RSRC1: variants seen among roughly 807,000 people sequenced by gnomAD.
RSRC1 encodes the protein arginine and serine rich coiled-coil 1.
In RSRC1, 39 loss-of-function variants were observed where a neutral mutation model predicts 49.1. That is an observed-to-expected ratio of 0.79 (90% CI 0.61 to 1.04). RSRC1 has a LOEUF of 1.04. Among genes scored for constraint, RSRC1 ranks in the 50% least tolerant of loss-of-function variants. The pLI, the probability that RSRC1 is intolerant of heterozygous loss-of-function variation, is 0.00. For missense variants in RSRC1, 388 were observed against 402.4 expected, an observed-to-expected ratio of 0.96 and a Z score of 0.31; for synonymous variants, 143 against 130.8, an observed-to-expected ratio of 1.09 and a Z score of -0.63.
At position 158,539,513 on chromosome 3, in the gene RSRC1, C is replaced by T. The variant is rs1245582565; in HGVS notation, c.759+2315C>T. Among the ~76,000 whole-genome samples the T allele has an allele frequency of 6.6e-6, 1 of 151,808 alleles. No homozygotes were observed. Among genetic ancestry groups the T allele is most frequent in the African/African-American group, 2.4e-5 (1 of 41,330 alleles). On this transcript the variant is annotated intron_variant, in intron 8 of 9. Coordinates refer to ENST00000611884, the MANE Select transcript of RSRC1 (RefSeq NM_001271838.2). The surrounding 1 kb of genome is among the most constrained non-coding windows in gnomAD (Gnocchi z 4.1). Reference sequence around the variant, plus strand: ...TAATGTTGTTGTATCTGGCAGATACCCACCTGTGTTCAAAAGAAGGGTAAA... The same window carrying T: ...TAATGTTGTTGTATCTGGCAGATACTCACCTGTGTTCAAAAGAAGGGTAAA...
intron 1 of RSRC1, among the ~76,000 whole-genome samples, chr3:158,120,945 C>A (rs371968852): frequency 1.4e-4 from 21 of 151,320 alleles, no homozygotes; most frequent in African/African-American, 5.1e-4. Flanking sequence ...GACAACTAAG[C>A]TTCTTGTCAG....
chr3:158,154,022 G>A (rs1717703786), intron 3 of RSRC1, among the ~76,000 whole-genome samples: 1 of 152,098 alleles, frequency 6.6e-6, no homozygotes, highest in African/African-American at 2.4e-5. Flanking sequence ...ATCCTTGACT[G>A]GACAGCTATA....
intron 4 of RSRC1, among the ~76,000 whole-genome samples, chr3:158,204,321 A>G (rs1624094): frequency 0.57 from 86,892 of 151,910 alleles, 25,219 homozygotes; most frequent in East Asian, 0.73. Flanking sequence ...TTTAAATGTT[A>G]AATTTGTGGT....
chr3:158,507,312 G>T (rs1453929387), intron 7 of RSRC1, among the ~76,000 whole-genome samples: 4 of 152,046 alleles, frequency 2.6e-5, no homozygotes, highest in East Asian at 1.9e-4. Context: ...TTTAGTATTT[G>T]ATAGTACAGT....
chr3:158,366,287 G>A (rs535021195), intron 6 of RSRC1, among the ~76,000 whole-genome samples: 11 of 152,168 alleles, frequency 7.2e-5, no homozygotes, highest in Admixed American at 2.0e-4. Flanking sequence ...TAGGTCTTAC[G>A]TTTAAGTCTT....
At chr3:158,278,097 A>T (rs1053441508) in intron 4 of RSRC1, among the ~76,000 whole-genome samples, 3 of 152,206 alleles carry the variant, frequency 2.0e-5, no homozygotes, top group Admixed American at 1.3e-4. Flanking sequence ...TAAGCCATCA[A>T]ACTGCTGCCA....
chr3:158,249,198 T>C (rs1724070663), intron 4 of RSRC1, among the ~76,000 whole-genome samples: 2 of 152,236 alleles, frequency 1.3e-5, no homozygotes, highest in African/African-American at 4.8e-5. Context: ...CAATTTTATA[T>C]GTTTTGATTT....
chr3:158,155,911 T>C (rs1361146758), intron 3 of RSRC1, among the ~76,000 whole-genome samples: 1 of 152,192 alleles, frequency 6.6e-6, no homozygotes, highest in East Asian at 1.9e-4. Flanking sequence ...CCTAGGATTT[T>C]CAAAATGGGA....
intron 6 of RSRC1, among the ~76,000 whole-genome samples, chr3:158,436,932 A>G (rs1051265661): frequency 5.9e-5 from 9 of 152,016 alleles, no homozygotes; most frequent in African/African-American, 1.9e-4. Flanking sequence ...TGCAGATCTC[A>G]TAGCTAGTAA....
intron 3 of RSRC1, among the ~76,000 whole-genome samples, chr3:158,154,240 A>G (rs1038759466): frequency 1.3e-5 from 2 of 152,184 alleles, no homozygotes; most frequent in Admixed American, 6.6e-5. Context: ...AAAAATGCTA[A>G]TGATCATTTG....
chr3:158,545,263 G>GCGATCT lies in RSRC1; in HGVS notation c.*990_*995dup. 1 of 137,962 alleles carries GCGATCT rather than the reference G, an allele frequency of 7.2e-6. No homozygotes were observed. Among genetic ancestry groups the GCGATCT allele is most frequent in the South Asian group, 2.4e-4 (1 of 4,238 alleles). The allele number at this position is 137,962 out of a possible 1,614,324, so 8.5% of individuals were successfully genotyped here. Reference sequence around the variant, plus strand: ...ATCCCCCATGCTGGAGTGCAGTGGCGCGATCTCAGCTCACTGCAAGCTCCG... The same window carrying GCGATCT: ...ATCCCCCATGCTGGAGTGCAGTGGCGCGATCTCGATCTCAGCTCACTGCAAGCTCCG... On this transcript the variant is annotated 3_prime_UTR_variant, in exon 10 of 10. Transcript: ENST00000611884.
intron 3 of RSRC1, among the ~76,000 whole-genome samples, chr3:158,170,877 C>T (rs1488207416): frequency 3.3e-5 from 5 of 152,044 alleles, no homozygotes; most frequent in African/African-American, 1.2e-4. Flanking sequence ...ATTCATTTTT[C>T]CTCTCTCTTT....
At chr3:158,199,572 C>T (rs1183846118) in intron 3 of RSRC1, among the ~76,000 whole-genome samples, 1 of 152,082 alleles carries the variant, frequency 6.6e-6, no homozygotes, top group African/African-American at 2.4e-5. Context: ...CTTTGCTCTT[C>T]ATTTTGTAGC....
chr3:158,376,290 G>A (rs901223936), intron 6 of RSRC1, among the ~76,000 whole-genome samples: 1 of 148,496 alleles, frequency 6.7e-6, no homozygotes, highest in Admixed American at 6.8e-5. Context: ...CTCCTGAGTA[G>A]CTGGGATTAT....
chr3:158,367,015 G>A (rs1731805316), intron 6 of RSRC1, among the ~76,000 whole-genome samples: 2 of 152,162 alleles, frequency 1.3e-5, no homozygotes. Context: ...CTTTGCTGAA[G>A]TTGTTTATCA....
At chr3:158,305,531 A>C (rs1727791009) in intron 5 of RSRC1, among the ~76,000 whole-genome samples, 1 of 151,840 alleles carries the variant, frequency 6.6e-6, no homozygotes, top group African/African-American at 2.4e-5. Flanking sequence ...GCTTACCTTC[A>C]TTGCAGGGCA....
intron 7 of RSRC1, among the ~76,000 whole-genome samples, chr3:158,524,900 T>G (rs1711913483): frequency 6.6e-6 from 1 of 151,986 alleles, no homozygotes; most frequent in Non-Finnish European, 1.5e-5. Context: ...AGCTTTAGTT[T>G]CACAGCAGAA....
chr3:158,296,990 G>GA (rs1455594424), intron 4 of RSRC1, among the ~76,000 whole-genome samples: 1 of 151,880 alleles, frequency 6.6e-6, no homozygotes, highest in African/African-American at 2.4e-5. Flanking sequence ...CTTTGGCAAA[G>GA]AAAAAATAGA....
At chr3:158,282,465 A>G (rs944044245) in intron 4 of RSRC1, among the ~76,000 whole-genome samples, 20 of 152,184 alleles carry the variant, frequency 1.3e-4, no homozygotes, top group Non-Finnish European at 2.6e-4. Flanking sequence ...TTCTGATGTT[A>G]ATGTATTGAA....
Sources: gnomAD v4.1 joint callset for allele counts (sites outside exome capture counted in the v4.1 genomes callset) on GRCh38, gnomAD v4.1.1 for gene constraint, Gnocchi (gnomAD v3.1) non-coding constraint, MANE v1.5 for transcripts, NCBI Gene and HGNC (gene_info 2026-07-23, HGNC 2026-07-21) for gene names.